The following LRRC4C variants were observed in gnomAD, a reference collection of about 807,000 sequenced individuals.
The protein encoded by LRRC4C is leucine rich repeat containing 4C.
Under a neutral mutation model 33.6 loss-of-function variants are expected in LRRC4C, and 5 were observed. That is an observed-to-expected ratio of 0.15 (90% confidence interval 0.08 to 0.31). LRRC4C has a LOEUF of 0.31. Ranked by LOEUF, LRRC4C falls within the 10% of genes least tolerant of loss-of-function variation. The pLI is 1.00. For synonymous variants in LRRC4C, 329 were observed against 302.0 expected (o/e 1.09, Z -0.93); for missense variants, 560 against 796.7 (o/e 0.70, Z 3.58).
intron 1 of LRRC4C, among the ~76,000 whole-genome samples, chr11:40,992,104 C>T (rs573890500): frequency 6.6e-6 from 1 of 152,172 alleles, no homozygotes; most frequent in Admixed American, 6.5e-5. Context: ...CCACAATTAA[C>T]CGAAAAGGCA....
chr11:40,368,334 T>C (rs1022113814), intron 3 of LRRC4C, among the ~76,000 whole-genome samples: 1 of 152,148 alleles, frequency 6.6e-6, no homozygotes, highest in Non-Finnish European at 1.5e-5. Context: ...TACTTCTTAA[T>C]CTTAGGTAAT....
intron 1 of LRRC4C, among the ~76,000 whole-genome samples, chr11:41,311,308 G>A (rs1950636904): frequency 6.6e-6 from 1 of 151,896 alleles, no homozygotes; most frequent in African/African-American, 2.4e-5. Flanking sequence ...TTGAGTTTTA[G>A]ATTTATTTTC....
chr11:41,106,032 C>CA (rs2135661150), intron 1 of LRRC4C, among the ~76,000 whole-genome samples: 1 of 151,964 alleles, frequency 6.6e-6, no homozygotes, highest in African/African-American at 2.4e-5. Context: ...TCCATTCAAT[C>CA]AAAAAACACA....
At chr11:40,256,419 C>G (rs777442918) in intron 4 of LRRC4C, among the ~76,000 whole-genome samples, 17 of 152,118 alleles carry the variant, frequency 1.1e-4, no homozygotes, top group African/African-American at 1.7e-4. Flanking sequence ...TGGTAGAGTG[C>G]ATGGCATAGT....
intron 2 of LRRC4C, among the ~76,000 whole-genome samples, chr11:40,687,583 T>C (rs1945022913): frequency 6.6e-6 from 1 of 152,092 alleles, no homozygotes; most frequent in South Asian, 2.1e-4. Flanking sequence ...ACACACTAAT[T>C]TTACTAAAGA....
intron 3 of LRRC4C, among the ~76,000 whole-genome samples, chr11:40,519,201 C>T (rs1354219124): frequency 1.3e-5 from 2 of 151,640 alleles, no homozygotes; most frequent in Admixed American, 1.3e-4. Context: ...TAACAAAACT[C>T]GACGTTCTGC....
At chr11:40,728,868 A>G (rs560281882) in intron 2 of LRRC4C, among the ~76,000 whole-genome samples, 19 of 152,054 alleles carry the variant, frequency 1.2e-4, no homozygotes, top group South Asian at 4.2e-4. Context: ...ATCCTCAATG[A>G]ATTAACATAG....
chr11:40,116,740 G>A (rs1329389806), intron 6 of LRRC4C, among the ~76,000 whole-genome samples: 1 of 152,196 alleles, frequency 6.6e-6, no homozygotes, highest in African/African-American at 2.4e-5. Context: ...TGCAAAAGTA[G>A]TAATAGCTGA....
chr11:40,286,342 A>C (rs769296097), intron 4 of LRRC4C, among the ~76,000 whole-genome samples: 4 of 152,144 alleles, frequency 2.6e-5, no homozygotes, highest in Non-Finnish European at 5.9e-5. Flanking sequence ...ATAAGAAGGG[A>C]CTACTAGATA....
chr11:40,780,910 G>T (rs1950187120), intron 2 of LRRC4C, among the ~76,000 whole-genome samples: 1 of 151,990 alleles, frequency 6.6e-6, no homozygotes, highest in African/African-American at 2.4e-5. Flanking sequence ...ATCAGTGAAA[G>T]ATGTGCGGAG....
At chr11:40,553,014 T>C (rs568335793) in intron 3 of LRRC4C, among the ~76,000 whole-genome samples, 9 of 152,312 alleles carry the variant, frequency 5.9e-5, no homozygotes, top group African/African-American at 2.2e-4. Flanking sequence ...CTCATGTATG[T>C]AACCCCAGTA....
intron 1 of LRRC4C, among the ~76,000 whole-genome samples, chr11:40,970,000 C>T (rs1057126493): frequency 7.9e-5 from 12 of 152,110 alleles, no homozygotes; most frequent in African/African-American, 2.9e-4. Flanking sequence ...AAGTGTGTTC[C>T]TGGCTCTCTG....
At chr11:40,940,448 C>G (rs1958092334) in intron 1 of LRRC4C, among the ~76,000 whole-genome samples, 1 of 152,086 alleles carries the variant, frequency 6.6e-6, no homozygotes, top group Admixed American at 6.6e-5. Context: ...TATTTCTTCA[C>G]TCTGCTCTTC....
chr11:41,034,652 TTA>T (rs1447569199), intron 1 of LRRC4C, among the ~76,000 whole-genome samples: 1 of 141,686 alleles, frequency 7.1e-6, no homozygotes, highest in African/African-American at 2.6e-5. Context: ...GTGAGAGTTA[TTA>T]TATATATATA....
chr11:41,386,506 G>T (rs1035226790), intron 1 of LRRC4C, among the ~76,000 whole-genome samples: 6 of 151,402 alleles, frequency 4.0e-5, no homozygotes, highest in African/African-American at 1.5e-4. Flanking sequence ...ATTTCCACTG[G>T]TGTCCTTTTC....
At chr11:40,719,465 T>G (rs968366405) in intron 2 of LRRC4C, among the ~76,000 whole-genome samples, 1 of 152,170 alleles carries the variant, frequency 6.6e-6, no homozygotes, top group Non-Finnish European at 1.5e-5. Flanking sequence ...CTCGGAGTCA[T>G]AGCTAATGAC....
chr11:40,370,131 T>C (rs756143040), intron 3 of LRRC4C, among the ~76,000 whole-genome samples: 16 of 152,190 alleles, frequency 1.1e-4, no homozygotes. Flanking sequence ...GGGGATTTTA[T>C]TGGTTTGCTG....
chr11:40,833,894 C>T lies in LRRC4C; in HGVS notation c.-407+99741G>A, dbSNP rs1339028428. Reference sequence around the variant, plus strand: ...GGATACACAGAATCAACATGCAAATCGTTGTATTTCTGTCAGTAAATCCTT... The same window carrying T: ...GGATACACAGAATCAACATGCAAATTGTTGTATTTCTGTCAGTAAATCCTT... On this transcript the variant is annotated intron_variant, in intron 2 of 6. Coordinates refer to ENST00000528697, the MANE Select transcript of LRRC4C (RefSeq NM_001258419.2). Among the ~76,000 whole-genome samples the T allele has an allele frequency of 3.9e-5, 6 of 152,064 alleles. No homozygotes were observed. The East Asian group carries it at 7.7e-4, about 20-fold the overall frequency.
chr11:40,794,934 A>G (rs1016186059), intron 2 of LRRC4C, among the ~76,000 whole-genome samples: 2 of 152,110 alleles, frequency 1.3e-5, no homozygotes, highest in Non-Finnish European at 2.9e-5. Context: ...CTTCTAATTA[A>G]TTTTCTCCTA....
Sources: gnomAD v4.1 joint callset for allele counts (sites outside exome capture counted in the v4.1 genomes callset) on GRCh38, gnomAD v4.1.1 for gene constraint, MANE v1.5 for transcripts, NCBI Gene and HGNC (gene_info 2026-07-23, HGNC 2026-07-21) for gene names.